Variants in PTCHD1 observed in about 807,000 individuals in gnomAD.
PTCHD1 encodes patched domain-containing protein 1.
PTCHD1 carries 3 observed loss-of-function variants against 34.6 expected under a neutral mutation model. That is an observed-to-expected ratio of 0.09 (90% CI 0.04 to 0.22). PTCHD1 has a LOEUF of 0.22. Among genes scored for constraint, PTCHD1 ranks in the 10% least tolerant of loss-of-function variants. The probability of loss-of-function intolerance (pLI) is 1.00; values close to 1 mark genes in which losing one functional copy is unlikely to be tolerated. For synonymous variants in PTCHD1, 305 were observed against 283.1 expected (o/e 1.08, Z -0.77); for missense variants, 504 against 685.5 (o/e 0.74, Z 2.96).
At chrX:23,358,494 G>GTTTGTT (rs1360493221) in intron 1 of PTCHD1, among the ~76,000 whole-genome samples, 13 of 110,976 alleles carry the variant, frequency 1.2e-4, no homozygotes, top group Non-Finnish European at 2.4e-4. Context: ...TGATGGGGTT[G>GTTTGTT]TTTGTTTTTT....
rs1922952314 is a variant in PTCHD1 at position 23,395,041 on chromosome X, C to T, written c.*856C>T. ...CTCTTGGCAGGAGGATCCAGGGACC[C>T]AAAACCACAGGGCCAAACCCAAATA... On this transcript the variant is annotated 3_prime_UTR_variant, in exon 3 of 3. Coordinates refer to ENST00000379361, the MANE Select transcript of PTCHD1 (RefSeq NM_173495.3). 9.0e-6 allele frequency: 1 copy of T among 111,706 alleles called. No homozygotes were observed. Among genetic ancestry groups the T allele is most frequent in the South Asian group, 3.8e-4 (1 of 2,660 alleles). 9.2% of individuals were successfully genotyped at this position (111,706 alleles called of 1,213,427 possible). A position where few individuals can be genotyped will look rare whatever the true frequency, so the allele number is the denominator to read the frequency against.
In PTCHD1 at chrX:23,397,592, T is replaced by C. The variant is rs1366862355; in HGVS notation, c.*3407T>C. 1 of 112,034 alleles carries C rather than the reference T, an allele frequency of 8.9e-6. No individual in the cohort carries two copies. Among genetic ancestry groups the C allele is most frequent in the Non-Finnish European group, 1.9e-5 (1 of 53,249 alleles). 9.2% of individuals were successfully genotyped at this position (112,034 alleles called of 1,213,427 possible). ...GCCTTTCCTACCTTCTGCCTTTTAC[T>C]CCCTCAGTTTTCAGTCAGAAGTGTG... On this transcript the variant is annotated 3_prime_UTR_variant, in exon 3 of 3. Coordinates refer to ENST00000379361, the MANE Select transcript of PTCHD1 (RefSeq NM_173495.3).
Position 23,398,449 on chromosome X carries a change from G to C in PTCHD1, c.*4264G>C, listed in dbSNP as rs964213720. On this transcript the variant is annotated 3_prime_UTR_variant, in exon 3 of 3. Coordinates refer to ENST00000379361, the MANE Select transcript of PTCHD1 (RefSeq NM_173495.3). ...CATACTATGATCTTTGAAAAAAACA[G>C]ATACAGGCACTTGCTTTTGGGGATG... 6.3e-5 allele frequency: 7 copies of C among 111,262 alleles called. No individual in the cohort carries two copies. Among genetic ancestry groups the C allele is most frequent in the African/African-American group, 2.0e-4 (6 of 30,584 alleles). 9.2% of individuals were successfully genotyped at this position (111,262 alleles called of 1,213,427 possible). A position where few individuals can be genotyped will look rare whatever the true frequency, so the allele number is the denominator to read the frequency against.
At chrX:23,346,652 T>C (rs1056286013) in intron 1 of PTCHD1, among the ~76,000 whole-genome samples, 1 of 112,130 alleles carries the variant, frequency 8.9e-6, no homozygotes, top group Non-Finnish European at 1.9e-5. Flanking sequence ...AAAGGAAATC[T>C]GAATGCCAAG....
At chrX:23,340,527 G>A (rs183572251) in intron 1 of PTCHD1, among the ~76,000 whole-genome samples, 1 of 112,218 alleles carries the variant, frequency 8.9e-6, no homozygotes, top group Non-Finnish European at 1.9e-5. Flanking sequence ...CACTTAGGTC[G>A]GGCTTCTTCT....
rs1280577637 is a variant in PTCHD1, at chrX:23,351,265, G to T, written c.351+16039G>T. The T allele has an allele frequency of 3.8e-6, 3 of 799,577 alleles. No individual in the cohort carries two copies. The African/African-American group carries it at 6.2e-5, about 16-fold the overall frequency. The allele number at this position is 799,577 out of a possible 1,213,427, so 65.9% of individuals were successfully genotyped here. A position where few individuals can be genotyped will look rare whatever the true frequency, so the allele number is the denominator to read the frequency against. On this transcript the variant is annotated intron_variant, in intron 1 of 2. Coordinates refer to ENST00000379361, the MANE Select transcript of PTCHD1 (RefSeq NM_173495.3). ...AGGTAATGCTGCTCTATCCTCAGTTGACTCATTCACTCTGTTCACACAAAA... is the reference window on the plus strand; with the variant it reads ...AGGTAATGCTGCTCTATCCTCAGTTTACTCATTCACTCTGTTCACACAAAA...
At chrX:23,392,394 A>T in intron 2 of PTCHD1, 137 bp from the exon 3 acceptor site, 1 of 510,093 alleles carries the variant, frequency 2.0e-6, no homozygotes, top group Non-Finnish European at 3.5e-6. Flanking sequence ...AGGAGAAATC[A>T]TTGGCATTTA....
Position 23,395,352 on chromosome X carries a change from A to C in PTCHD1, c.*1167A>C, listed in dbSNP as rs1922962392. On this transcript the variant is annotated 3_prime_UTR_variant, in exon 3 of 3. Transcript: ENST00000379361. The stretch of plus-strand genomic sequence containing the variant: ...GGGGAAGAAGATCTTTGGTAAGTCT[A>C]AGTCCTGACGCTGAGAAGCTTTGTA... The C allele has an allele frequency of 8.9e-6, 1 of 112,396 alleles. No individual in the cohort carries two copies. The highest frequency in any genetic ancestry group is 1.9e-5 in the Non-Finnish European group (1 of 53,328). 9.3% of individuals were successfully genotyped at this position (112,396 alleles called of 1,213,427 possible).
At chrX:23,361,171 G>A (rs1269313716) in intron 1 of PTCHD1, among the ~76,000 whole-genome samples, 2 of 111,456 alleles carry the variant, frequency 1.8e-5, no homozygotes, top group African/African-American at 6.5e-5. Flanking sequence ...AGGTCTGCTT[G>A]GTGCAGAGCT....
intron 2 of PTCHD1, among the ~76,000 whole-genome samples, chrX:23,390,396 T>C (rs777345730): frequency 9.0e-6 from 1 of 110,673 alleles, no homozygotes; most frequent in South Asian, 3.9e-4. Context: ...AAGTATTCTC[T>C]TTTTACCCTC....
chrX:23,392,074 C>CTTTCTTTTTTTTTTTTTTTTTTTT (rs367570857), intron 2 of PTCHD1, among the ~76,000 whole-genome samples: 1 of 52,355 alleles, frequency 1.9e-5, no homozygotes, highest in African/African-American at 1.3e-4. Context: ...TTCTTTCTTT[C>CTTTCTTTTTTTTTTTTTTTTTTTT]TTTTTTTTTT....
chrX:23,390,338 A>C (rs956560720), intron 2 of PTCHD1, among the ~76,000 whole-genome samples: 15 of 109,132 alleles, frequency 1.4e-4, no homozygotes, highest in South Asian at 3.9e-4. Flanking sequence ...GGAAAAAAAA[A>C]AAAAAAACAA....
intron 1 of PTCHD1, among the ~76,000 whole-genome samples, chrX:23,369,020 T>C (rs1922214465): frequency 9.0e-6 from 1 of 111,568 alleles, no homozygotes; most frequent in Non-Finnish European, 1.9e-5. Flanking sequence ...GTCGAGATCA[T>C]GCCATTGCAC....
rs57194123 is a variant in PTCHD1, at chrX:23,350,060, T to TAAAAAA, written c.351+14858_351+14863dup. 8.4e-4 allele frequency among the ~76,000 whole-genome samples: 34 copies of TAAAAAA among 40,410 alleles called. 1 individual carries two copies. The highest frequency in any genetic ancestry group is 3.3e-3 in the African/African-American group (30 of 9,077). The allele number at this position is 40,410 out of a possible 115,157, so 35.1% of individuals were successfully genotyped here. ...CTAGGAAAGCTCCCTTTAGTGCTGT[T>TAAAAAA]AAAAAAAAAAAAAAAAAAAAAAAAA... On this transcript the variant is annotated intron_variant, in intron 1 of 2. Coordinates refer to ENST00000379361, the MANE Select transcript of PTCHD1 (RefSeq NM_173495.3).
At chrX:23,352,208 G>A (rs1921656563) in intron 1 of PTCHD1, among the ~76,000 whole-genome samples, 1 of 111,975 alleles carries the variant, frequency 8.9e-6, no homozygotes, top group Admixed American at 9.5e-5. Flanking sequence ...TCTGGCTGGG[G>A]TTTGCTCTGG....
chrX:23,345,081 C>T (rs1484887249), intron 1 of PTCHD1, among the ~76,000 whole-genome samples: 1 of 111,813 alleles, frequency 8.9e-6, no homozygotes, highest in Non-Finnish European at 1.9e-5. Flanking sequence ...CGAAATTTTG[C>T]AGACTGTGAA....
intron 2 of PTCHD1, among the ~76,000 whole-genome samples, 197 bp from the exon 3 acceptor site, chrX:23,392,334 G>C (rs946371251): frequency 9.1e-6 from 1 of 110,177 alleles, no homozygotes. Context: ...CTGCCCTTTC[G>C]TTATCCATTA....
chrX:23,356,483 T>C (rs970808725), intron 1 of PTCHD1, among the ~76,000 whole-genome samples: 2 of 111,873 alleles, frequency 1.8e-5, no homozygotes, highest in African/African-American at 6.5e-5. Context: ...ACTTGGCTGC[T>C]CACTCTGCAG....
Position 23,379,581 on chromosome X carries a change from TC to T in PTCHD1, c.352-5del, listed in dbSNP as rs748602046. 1.7e-6 allele frequency: 2 copies of T among 1,209,777 alleles called. No homozygotes were observed. Among genetic ancestry groups the T allele is most frequent in the East Asian group, 5.9e-5 (2 of 33,847 alleles). Reference sequence around the variant, plus strand: ...TGATTAATAAATGCTGTCATTTTTTTCCCCCACAGTTGCATGCTGCTGTCAC... The same window carrying T: ...TGATTAATAAATGCTGTCATTTTTTTCCCCACAGTTGCATGCTGCTGTCAC... On this transcript the variant is annotated splice_polypyrimidine_tract_variant and intron_variant, in intron 1 of 2. Transcript: ENST00000379361.
Sources: gnomAD v4.1 joint callset for allele counts (sites outside exome capture counted in the v4.1 genomes callset) on GRCh38, gnomAD v4.1.1 for gene constraint, MANE v1.5 for transcripts, NCBI Gene and HGNC (gene_info 2026-07-23, HGNC 2026-07-21) for gene names.